GRM7: variants seen among roughly 807,000 people sequenced by gnomAD.
The protein encoded by GRM7 is glutamate metabotropic receptor 7.
GRM7 carries 35 observed loss-of-function variants against 84.5 expected under a neutral mutation model. That is an observed-to-expected ratio of 0.41 (90% CI 0.32 to 0.55). GRM7 has a LOEUF of 0.55. Among genes scored for constraint, GRM7 ranks in the 20% least tolerant of loss-of-function variants. The probability of loss-of-function intolerance (pLI) is 0.19; values close to 1 mark genes in which losing one functional copy is unlikely to be tolerated. For synonymous variants in GRM7, 487 were observed against 455.1 expected (o/e 1.07, Z -0.89); for missense variants, 1,003 against 1,194.6 (o/e 0.84, Z 2.36).
At chr3:7,691,691 C>T (rs575945423) in intron 9 of GRM7, among the ~76,000 whole-genome samples, 34 of 152,206 alleles carry the variant, frequency 2.2e-4, no homozygotes, top group African/African-American at 6.7e-4. Context: ...GATGGAGGCT[C>T]GCCCTGTCAC....
chr3:7,517,517 C>G (rs142541011), intron 7 of GRM7, among the ~76,000 whole-genome samples: 3,432 of 152,114 alleles, frequency 0.023, 126 homozygotes, highest in African/African-American at 0.077. Context: ...CTCCGCCTCT[C>G]GAGTAGCTGG....
chr3:7,656,541 GCGCGCGCACACACA>G, intron 8 of GRM7, among the ~76,000 whole-genome samples: 1 of 58,270 alleles, frequency 1.7e-5, no homozygotes, highest in East Asian at 4.4e-4. Flanking sequence ...ATATATATAC[GCGCGCGCACACACA>G]CACACACACA....
intron 1 of GRM7, among the ~76,000 whole-genome samples, chr3:6,890,135 A>G (rs1336368206): frequency 3.3e-5 from 5 of 151,770 alleles, no homozygotes; most frequent in South Asian, 2.1e-4. Context: ...TTTCTTTATT[A>G]GTCTTGGTAG....
chr3:7,117,501 G>T (rs1693076692), intron 1 of GRM7, among the ~76,000 whole-genome samples: 1 of 152,128 alleles, frequency 6.6e-6, no homozygotes, highest in Admixed American at 6.6e-5. Context: ...CCAGTTGGAA[G>T]GGGACATTGG....
intron 2 of GRM7, among the ~76,000 whole-genome samples, chr3:7,269,713 A>G (rs931900261): frequency 2.0e-5 from 3 of 152,056 alleles, no homozygotes; most frequent in Admixed American, 2.0e-4. Context: ...TCTGCTGGGT[A>G]AGGAAGACAG....
intron 1 of GRM7, among the ~76,000 whole-genome samples, chr3:6,908,347 A>C (rs1696651700): frequency 6.6e-6 from 1 of 152,178 alleles, no homozygotes. Flanking sequence ...TACTTAGATG[A>C]TGTCTTCTTT....
chr3:7,402,429 A>C (rs1263336377), intron 4 of GRM7, among the ~76,000 whole-genome samples: 2 of 152,186 alleles, frequency 1.3e-5, no homozygotes, highest in African/African-American at 4.8e-5. Flanking sequence ...TTAGTAACTC[A>C]GGTGGTGAGA....
At chr3:7,507,438 C>G (rs1175516620) in intron 7 of GRM7, among the ~76,000 whole-genome samples, 1 of 152,174 alleles carries the variant, frequency 6.6e-6, no homozygotes, top group Non-Finnish European at 1.5e-5. Context: ...CATTTTGTAA[C>G]TAATGGAAAA....
chr3:6,904,345 T>C (rs1284499738), intron 1 of GRM7, among the ~76,000 whole-genome samples: 5 of 152,200 alleles, frequency 3.3e-5, no homozygotes, highest in African/African-American at 1.2e-4. Context: ...GAGGAAAAAC[T>C]GTATGGGTTT....
intron 1 of GRM7, among the ~76,000 whole-genome samples, chr3:7,128,700 G>A (rs1218936427): frequency 1.3e-5 from 2 of 149,288 alleles, no homozygotes; most frequent in African/African-American, 4.9e-5. Flanking sequence ...TACAGATGGG[G>A]TTTTGCCATG....
At chr3:6,981,846 C>G (rs1375292838) in intron 1 of GRM7, among the ~76,000 whole-genome samples, 8 of 152,144 alleles carry the variant, frequency 5.3e-5, no homozygotes, top group African/African-American at 9.7e-5. Flanking sequence ...TTATACACTA[C>G]TGGTGGGAAT....
chr3:7,129,911 A>C (rs540471379), intron 1 of GRM7, among the ~76,000 whole-genome samples: 2 of 152,338 alleles, frequency 1.3e-5, no homozygotes, highest in African/African-American at 4.8e-5. Flanking sequence ...ATGAGTCTTT[A>C]AAATTTTGAA....
chr3:7,075,326 T>C (rs1463009044), intron 1 of GRM7, among the ~76,000 whole-genome samples: 2 of 152,180 alleles, frequency 1.3e-5, no homozygotes, highest in African/African-American at 2.4e-5. Context: ...AGCTTGCAGC[T>C]GTGTGCTGCT....
chr3:7,012,953 T>A lies in GRM7; in HGVS notation c.520-133499T>A, dbSNP rs1312198630. ...CAGGGTCTCAGTATGTTGTCCAGGC[T>A]GGTCTCGAACTTCTGGCTTTGAGCA... On this transcript the variant is annotated intron_variant, in intron 1 of 9. Coordinates refer to ENST00000357716, the MANE Select transcript of GRM7 (RefSeq NM_000844.4). Among the ~76,000 whole-genome samples, 5 of 152,274 alleles carry A rather than the reference T, an allele frequency of 3.3e-5. No individual in the cohort carries two copies. The East Asian group carries it at 7.7e-4, about 24-fold the overall frequency.
At chr3:7,564,350 A>G (rs949880732) in intron 7 of GRM7, among the ~76,000 whole-genome samples, 1 of 152,176 alleles carries the variant, frequency 6.6e-6, no homozygotes, top group Non-Finnish European at 1.5e-5. Context: ...ATGAGGTTTC[A>G]AGAGCTTAAA....
intron 9 of GRM7, among the ~76,000 whole-genome samples, chr3:7,719,386 T>C (rs77487432): frequency 0.015 from 2,287 of 152,306 alleles, 66 homozygotes; most frequent in African/African-American, 0.053. Flanking sequence ...TCTTACATAC[T>C]ATCACAGTTT....
chr3:7,453,984 A>G (rs1322422203), intron 6 of GRM7, among the ~76,000 whole-genome samples: 1 of 151,970 alleles, frequency 6.6e-6, no homozygotes, highest in Non-Finnish European at 1.5e-5. Flanking sequence ...AGGGCAGGGT[A>G]AGGTCAGAAA....
chr3:7,305,343 C>T (rs12490155), intron 3 of GRM7, among the ~76,000 whole-genome samples: 3,666 of 34,454 alleles, frequency 0.11, 280 homozygotes, highest in Middle Eastern at 0.18. Context: ...TTTTTTTTTT[C>T]TTTTTTTTTT....
Position 7,290,039 on chromosome 3 carries a change from G to T in GRM7, c.737-8645G>T, listed in dbSNP as rs186707592. ...TAAAATAAAAATAAAAATAAAAAAAGAAAAGTTATCTTATTAGTATTTTAT... is the reference window on the plus strand; with the variant it reads ...TAAAATAAAAATAAAAATAAAAAAATAAAAGTTATCTTATTAGTATTTTAT... On this transcript the variant is annotated intron_variant, in intron 2 of 9. Coordinates refer to ENST00000357716, the MANE Select transcript of GRM7 (RefSeq NM_000844.4). 7.3e-5 allele frequency among the ~76,000 whole-genome samples: 11 copies of T among 151,620 alleles called. No individual in the cohort carries two copies. In the East Asian group the frequency reaches 1.9e-3, roughly 27 times the overall value.
Sources: gnomAD v4.1 joint callset for allele counts (sites outside exome capture counted in the v4.1 genomes callset) on GRCh38, gnomAD v4.1.1 for gene constraint, MANE v1.5 for transcripts, NCBI Gene and HGNC (gene_info 2026-07-23, HGNC 2026-07-21) for gene names.